Variants in SEMA6A observed in about 807,000 individuals in gnomAD.
SEMA6A encodes the protein semaphorin 6A, also known as semaphorin-6A.
SEMA6A carries 25 observed loss-of-function variants against 96.8 expected under a neutral mutation model. The observed-to-expected ratio is 0.26, with a 90% CI of 0.19 to 0.36. The LOEUF is 0.36. Among genes scored for constraint, SEMA6A ranks in the 10% least tolerant of loss-of-function variants. SEMA6A has a pLI of 1.00. For synonymous variants in SEMA6A, 612 were observed against 518.0 expected (o/e 1.18, Z -2.46); for missense variants, 1,363 against 1,323.1 (o/e 1.03, Z -0.47).
chr5:116,458,836 T>C (rs535913695), intron 18 of SEMA6A, among the ~76,000 whole-genome samples: 1 of 152,132 alleles, frequency 6.6e-6, no homozygotes, highest in Non-Finnish European at 1.5e-5. Context: ...TCTACATCTA[T>C]GCCCACACTA....
chr5:116,517,483 T>A (rs1382481228), intron 1 of SEMA6A, among the ~76,000 whole-genome samples: 1 of 152,190 alleles, frequency 6.6e-6, no homozygotes, highest in Non-Finnish European at 1.5e-5. Context: ...AAAAGTAATC[T>A]GATTTCACAT....
intron 7 of SEMA6A, among the ~76,000 whole-genome samples, chr5:116,489,446 T>A (rs1468746857): frequency 6.6e-6 from 1 of 152,018 alleles, no homozygotes; most frequent in African/African-American, 2.4e-5. Context: ...CATGCATAAG[T>A]AAAGAAGTCC....
chr5:116,568,226 A>T (rs573569864), intron 1 of SEMA6A, among the ~76,000 whole-genome samples: 34 of 152,328 alleles, frequency 2.2e-4, no homozygotes, highest in East Asian at 1.2e-3. Context: ...TATTTCACTA[A>T]ATACATTCAC....
chr5:116,485,972 A>G (rs1205683367), intron 10 of SEMA6A, among the ~76,000 whole-genome samples: 1 of 152,220 alleles, frequency 6.6e-6, no homozygotes, highest in Non-Finnish European at 1.5e-5. Context: ...AACAATTACC[A>G]GTGCATCATT....
chr5:116,517,555 A>G (rs959565184), intron 1 of SEMA6A, among the ~76,000 whole-genome samples: 1 of 152,202 alleles, frequency 6.6e-6, no homozygotes, highest in Non-Finnish European at 1.5e-5. Flanking sequence ...GGAATTGCTG[A>G]CTGAGTTACT....
chr5:116,484,801 G>C (rs367772314), intron 10 of SEMA6A, among the ~76,000 whole-genome samples: 2 of 152,122 alleles, frequency 1.3e-5, no homozygotes, highest in African/African-American at 4.8e-5. Flanking sequence ...GGCAAATCTC[G>C]CAGAAAGCAA....
chr5:116,453,744 G>A (rs1245224981), intron 18 of SEMA6A, among the ~76,000 whole-genome samples: 1 of 152,114 alleles, frequency 6.6e-6, no homozygotes, highest in South Asian at 2.1e-4. Flanking sequence ...CAGTATCATT[G>A]CATCAAAAGC....
intron 17 of SEMA6A, 165 bp from the exon 18 acceptor site, chr5:116,467,912 GGTGTGGGGT>G: frequency 1.5e-6 from 1 of 657,114 alleles, no homozygotes; most frequent in Non-Finnish European, 2.6e-6. Flanking sequence ...TGGTGGTGGT[GGTGTGGGGT>G]GTGTTCAGCA....
Position 116,495,284 on chromosome 5 carries a change from A to G in SEMA6A, c.444+129T>C, listed in dbSNP as rs182801765. On this transcript the variant is annotated intron_variant, in intron 6 of 18. Coordinates refer to ENST00000343348, the MANE Select transcript of SEMA6A (RefSeq NM_020796.5). ...TAGGATCACTCATGTGGAGCAATAC[A>G]TTAAGTTGAACAAGTGAGAGGAACT... is the stretch of plus-strand genomic sequence containing the variant. 9.2e-4 allele frequency: 649 copies of G among 708,122 alleles called. 3 individuals are homozygous for G. Among genetic ancestry groups the G allele is most frequent in the African/African-American group, 7.3e-3 (409 of 56,246 alleles). The allele number at this position is 708,122 out of a possible 1,614,324, so 43.9% of individuals were successfully genotyped here. A position where few individuals can be genotyped will look rare whatever the true frequency, so the allele number is the denominator to read the frequency against.
intron 10 of SEMA6A, among the ~76,000 whole-genome samples, chr5:116,483,788 G>C (rs772960912): frequency 6.6e-6 from 1 of 152,162 alleles, no homozygotes; most frequent in Non-Finnish European, 1.5e-5. Context: ...GATAGGCCGG[G>C]CGAAGTGGCT....
chr5:116,529,525 A>AT (rs1759371432), intron 1 of SEMA6A, among the ~76,000 whole-genome samples: 2 of 152,166 alleles, frequency 1.3e-5, no homozygotes, highest in Admixed American at 6.5e-5. Flanking sequence ...AATATGTACA[A>AT]TTTTTATGTG....
chr5:116,488,046 G>A, intron 9 of SEMA6A, 62 bp downstream of exon 9: 1 of 1,084,606 alleles, frequency 9.2e-7, no homozygotes, highest in South Asian at 1.4e-5. Flanking sequence ...AACAACATTT[G>A]ACCAAAGGTG....
chr5:116,512,023 A>G (rs964994514), intron 1 of SEMA6A, among the ~76,000 whole-genome samples: 2 of 152,238 alleles, frequency 1.3e-5, no homozygotes, highest in African/African-American at 4.8e-5. Flanking sequence ...TGCTTCACAG[A>G]GGCTGGAACT....
intron 1 of SEMA6A, among the ~76,000 whole-genome samples, chr5:116,518,966 C>G (rs549593550): frequency 1.3e-5 from 2 of 151,904 alleles, no homozygotes; most frequent in African/African-American, 2.4e-5. Context: ...TATTTTCCTA[C>G]TGGGTTAACA....
chr5:116,455,443 C>T (rs901418875), intron 18 of SEMA6A, among the ~76,000 whole-genome samples: 3 of 152,168 alleles, frequency 2.0e-5, no homozygotes, highest in Non-Finnish European at 4.4e-5. Context: ...CTTTCATCAG[C>T]TTTCTTAAAT....
intron 1 of SEMA6A, among the ~76,000 whole-genome samples, chr5:116,539,019 T>C (rs923078106): frequency 1.3e-5 from 2 of 152,210 alleles, no homozygotes; most frequent in African/African-American, 4.8e-5. Flanking sequence ...GAAAATATTT[T>C]CAATTGTGTG....
At chr5:116,505,075 A>C in intron 1 of SEMA6A, 93 bp from the exon 2 acceptor site, 1 of 627,232 alleles carries the variant, frequency 1.6e-6, no homozygotes, top group Non-Finnish European at 2.8e-6. Flanking sequence ...GAGAGAAAAA[A>C]AGGCTTCTGC....
chr5:116,574,143 G>C (rs1283444954), intron 1 of SEMA6A, 42 bp downstream of exon 1: 2 of 151,664 alleles, frequency 1.3e-5, no homozygotes, highest in African/African-American at 2.4e-5. Context: ...CTGGAGTCCA[G>C]CTGCCCGGGA....
intron 1 of SEMA6A, among the ~76,000 whole-genome samples, chr5:116,553,652 C>T (rs916017040): frequency 6.6e-6 from 1 of 152,152 alleles, no homozygotes; most frequent in Non-Finnish European, 1.5e-5. Flanking sequence ...AGTACCCGGC[C>T]TTGGTTGCTG....
Sources: allele counts gnomAD v4.1 joint callset (sites outside exome capture counted in the v4.1 genomes callset), GRCh38; gene constraint gnomAD v4.1.1; transcripts MANE v1.5; gene names NCBI Gene and HGNC (gene_info 2026-07-23, HGNC 2026-07-21).